Variants in ANKRD13B observed in about 807,000 individuals in gnomAD.
The protein encoded by ANKRD13B is ankyrin repeat domain-containing protein 13B.
Under a neutral mutation model 74.4 loss-of-function variants are expected in ANKRD13B, and 33 were observed. That is an observed-to-expected ratio of 0.44 (90% CI 0.34 to 0.59). The LOEUF (loss-of-function observed/expected upper bound fraction) is 0.59, where lower values mean the gene tolerates loss of function less well. Ranked by LOEUF, ANKRD13B falls within the 20% of genes least tolerant of loss-of-function variation. ANKRD13B has a pLI of 0.02. For missense variants in ANKRD13B, 676 were observed against 877.9 expected (o/e 0.77, Z 2.91); for synonymous variants, 341 against 362.9 (o/e 0.94, Z 0.68).
chr17:29,608,978 T>G lies in ANKRD13B; in HGVS notation c.549T>G (p.Phe183Leu), dbSNP rs1391642759. ...HMTWQRGNRS[F>L]VFRGQDTSAV... Reference sequence around the variant, plus strand: ...CCTGGCAGCGAGGGAACCGCAGCTTTGTCTTCAGGGGCCAAGGTCAGGCAG... The same window carrying G: ...CCTGGCAGCGAGGGAACCGCAGCTTGGTCTTCAGGGGCCAAGGTCAGGCAG... Residue 183 changes from phenylalanine to leucine, a missense_variant, in exon 5 of 15, where the codon TTT (phenylalanine) becomes TTG (leucine). By Grantham distance (22) the Phe-to-Leu change is conservative. Around this residue, in one of 4 missense-constraint regions of ANKRD13B, gnomAD observed 328 missense variants for 518.4 expected, o/e 0.63. Transcript: ENST00000394859. The surrounding 1 kb of genome is among the most constrained non-coding windows in gnomAD (Gnocchi z 6.4). 6.2e-7 allele frequency: 1 copy of G among 1,614,158 alleles called. No individual in the cohort carries two copies. The highest frequency in any genetic ancestry group is 1.7e-5 in the Admixed American group (1 of 60,036).
intron 1 of ANKRD13B, among the ~76,000 whole-genome samples, chr17:29,596,819 G>A (rs545538461): frequency 1.3e-5 from 2 of 152,332 alleles, no homozygotes; most frequent in African/African-American, 2.4e-5. Context: ...GGTAAGCTAG[G>A]AAGCTCGGGA....
intron 1 of ANKRD13B, among the ~76,000 whole-genome samples, chr17:29,603,415 G>GTTGTT (rs887492187): frequency 4.0e-4 from 61 of 152,188 alleles, no homozygotes; most frequent in African/African-American, 8.2e-4. Context: ...TAATGTAAAA[G>GTTGTT]TTGTTTTGTT....
At chr17:29,613,028 C>T (rs781233089) in intron 14 of ANKRD13B, 65 bp downstream of exon 14, 25 of 1,549,466 alleles carry the variant, frequency 1.6e-5, no homozygotes, top group Non-Finnish European at 2.0e-5. Flanking sequence ...AGCCAGGACA[C>T]AGCCGGAGAA....
At chr17:29,607,654 G>T (rs1306586985) in intron 1 of ANKRD13B, 88 bp from the exon 2 acceptor site, 3 of 1,505,868 alleles carry the variant, frequency 2.0e-6, no homozygotes, top group Non-Finnish European at 2.7e-6. Context: ...GGGGGTGGGG[G>T]TTGCTGCCTG....
At position 29,607,672 on chromosome 17, in the gene ANKRD13B, G is replaced by C. The variant is rs535422262; in HGVS notation, c.115-70G>C. ...GGTGGGGGTTGCTGCCTGCTCCAGG[G>C]CTGTCTGGCTCCGGAGGGCTGCCTC... On this transcript the variant is annotated intron_variant, in intron 1 of 14. Coordinates refer to ENST00000394859, the MANE Select transcript of ANKRD13B (RefSeq NM_152345.5). 283 of 1,539,582 alleles carry C rather than the reference G, an allele frequency of 1.8e-4. 2 individuals are homozygous for C. The South Asian group carries it at 2.8e-3, about 15-fold the overall frequency.
rs148247479 is a variant in ANKRD13B, at chr17:29,604,245, G to A, written c.115-3497G>A. 7.9e-3 allele frequency among the ~76,000 whole-genome samples: 1,201 copies of A among 151,524 alleles called. 19 individuals carry two copies. Among genetic ancestry groups the A allele is most frequent in the African/African-American group, 0.028 (1,154 of 41,272 alleles). The stretch of plus-strand genomic sequence containing the variant: ...TTTTTTTGAGACAGAGTCTTGCTCT[G>A]TCACCCAGGCTTGAGTGCAGTGGGG... On this transcript the variant is annotated intron_variant, in intron 1 of 14. Coordinates refer to ENST00000394859, the MANE Select transcript of ANKRD13B (RefSeq NM_152345.5).
intron 1 of ANKRD13B, among the ~76,000 whole-genome samples, chr17:29,594,617 A>G (rs1567783067): frequency 6.6e-6 from 1 of 152,210 alleles, no homozygotes. Flanking sequence ...CCCAGGCCAC[A>G]GGTAGGCACT....
chr17:29,612,092 C>CAAG lies in ANKRD13B; in HGVS notation c.1101-24_1101-23insAAG. 1 of 1,612,720 alleles carries CAAG rather than the reference C, an allele frequency of 6.2e-7. No individual in the cohort carries two copies. Among genetic ancestry groups the CAAG allele is most frequent in the South Asian group, 1.1e-5 (1 of 91,024 alleles). ...CCATGGCTTCCTGCAGTGTCCCTTA[C>CAAG]CCCTTGGGATCTGGTGGGGGCAGGT... is the stretch of plus-strand genomic sequence containing the variant. On this transcript the variant is annotated intron_variant, in intron 10 of 14. Transcript: ENST00000394859. The surrounding 1 kb of genome is among the most constrained non-coding windows in gnomAD (Gnocchi z 6.1).
intron 1 of ANKRD13B, among the ~76,000 whole-genome samples, chr17:29,601,380 C>T (rs1488409306): frequency 1.3e-5 from 2 of 152,046 alleles, no homozygotes; most frequent in Non-Finnish European, 2.9e-5. Flanking sequence ...CCCCACCACG[C>T]CCAGCTAATT....
At chr17:29,593,963 T>G in intron 1 of ANKRD13B, 1 of 250,612 alleles carries the variant, frequency 4.0e-6, no homozygotes, top group Non-Finnish European at 7.6e-6. Context: ...TAGAGGCCTC[T>G]GTGCCCCTCC....
intron 1 of ANKRD13B, among the ~76,000 whole-genome samples, chr17:29,594,377 A>G (rs905043538): frequency 2.6e-5 from 4 of 152,120 alleles, no homozygotes; most frequent in African/African-American, 9.7e-5. Flanking sequence ...GCGCAGAGGA[A>G]GCTGAGGGGC....
Position 29,612,443 on chromosome 17 carries a change from G to A in ANKRD13B, c.1300G>A (p.Gly434Arg), listed in dbSNP as rs1185601751. The A allele has an allele frequency of 6.2e-7, 1 of 1,609,992 alleles. No individual in the cohort carries two copies. The highest frequency in any genetic ancestry group is 2.2e-5 in the East Asian group (1 of 44,708). The change falls in exon 12 of 15, where the codon GGG (glycine) becomes AGG (arginine). Residue 434 changes from glycine to arginine, a missense_variant. Around this residue, in one of 4 missense-constraint regions of ANKRD13B, gnomAD observed 328 missense variants for 518.4 expected, o/e 0.63. Transcript: ENST00000394859. The surrounding 1 kb of genome is among the most constrained non-coding windows in gnomAD (Gnocchi z 6.1). ...FHILNARITF[G>R]NLNGCDEPVP... ...CATCCTCAACGCCCGCATCACCTTC[G>A]GGAACCTCAACGGCTGCGACGAACC...
At position 29,611,466 on chromosome 17, in the gene ANKRD13B, GC is replaced by G; in HGVS notation, c.905-109del. 2 of 1,104,806 alleles carry G rather than the reference GC, an allele frequency of 1.8e-6. No individual in the cohort carries two copies. The highest frequency in any genetic ancestry group is 1.4e-6 in the Non-Finnish European group (1 of 734,220). The allele number at this position is 1,104,806 out of a possible 1,614,324, so 68.4% of individuals were successfully genotyped here. ...CCTGAGTATGTGGTTGGGTGAGCAG[GC>G]CCCACCCCAGGAACCGGCCTCCTCC... On this transcript the variant is annotated intron_variant, in intron 8 of 14. Coordinates refer to ENST00000394859, the MANE Select transcript of ANKRD13B (RefSeq NM_152345.5). The surrounding 1 kb of genome is among the most constrained non-coding windows in gnomAD (Gnocchi z 4.3).
Position 29,607,817 on chromosome 17 carries a change from G to T in ANKRD13B, c.190G>T (p.Ala64Ser). 1 of 1,604,592 alleles carries T rather than the reference G, an allele frequency of 6.2e-7. No homozygotes were observed. ...LATTLGHLEC[A>S]RVLLAHGADV... is the part of the protein sequence containing the mutation. The stretch of plus-strand genomic sequence containing the variant: ...CACCACGCTGGGGCACCTTGAGTGT[G>T]CCCGTGTGCTCCTGGCGCACGGCGC... Residue 64 changes from alanine (A) to serine (S), a missense_variant, in exon 2 of 15, where the codon GCC becomes TCC. Around this residue, in one of 4 missense-constraint regions of ANKRD13B, gnomAD observed 328 missense variants for 518.4 expected, o/e 0.63. Coordinates refer to ENST00000394859, the MANE Select transcript of ANKRD13B (RefSeq NM_152345.5).
At chr17:29,600,007 G>T (rs778495030) in intron 1 of ANKRD13B, among the ~76,000 whole-genome samples, 17 of 150,130 alleles carry the variant, frequency 1.1e-4, no homozygotes, top group Non-Finnish European at 1.5e-4. Flanking sequence ...CTCCCGAGTA[G>T]CTGTGACTAC....
intron 1 of ANKRD13B, among the ~76,000 whole-genome samples, chr17:29,597,026 C>T (rs1176300160): frequency 2.0e-5 from 3 of 152,168 alleles, no homozygotes; most frequent in Non-Finnish European, 4.4e-5. Flanking sequence ...CCTGCCCCTG[C>T]ACCCCACGCT....
chr17:29,613,407 G>C lies in ANKRD13B; in HGVS notation c.1706G>C (p.Ser569Thr), dbSNP rs767471409. Residue 569 changes from serine (S) to threonine (T), a missense_variant, in exon 15 of 15, where the codon AGC (serine) becomes ACC (threonine). Physicochemically the swap from Ser to Thr is moderately conservative, Grantham distance 58. Around this residue, in one of 4 missense-constraint regions of ANKRD13B, gnomAD observed 108 missense variants for 90.3 expected, o/e 1.20. Coordinates refer to ENST00000394859, the MANE Select transcript of ANKRD13B (RefSeq NM_152345.5). ...CCTGCGCCCCCGGCGTCAGTGCCCAGCCCTCGGCCCAGCTCAGGGCCAGGT... is the reference window on the plus strand; with the variant it reads ...CCTGCGCCCCCGGCGTCAGTGCCCACCCCTCGGCCCAGCTCAGGGCCAGGT... ...RQPAPPASVPSPRPSSGPGSG... is the reference protein window; with the variant it reads ...RQPAPPASVPTPRPSSGPGSG... The C allele has an allele frequency of 4.6e-6, 7 of 1,509,146 alleles. No individual in the cohort carries two copies. The African/African-American group carries it at 8.7e-5, about 19-fold the overall frequency. 93.5% of individuals were successfully genotyped at this position (1,509,146 alleles called of 1,614,324 possible).
chr17:29,612,638 C>T lies in ANKRD13B; in HGVS notation c.1412-14C>T, dbSNP rs2034631902. ...CGCGCCCGGCCGTGCCTGACCCAGC[C>T]CCCGCGCCCCCAGCCTCCTGCCGCG... On this transcript the variant is annotated splice_polypyrimidine_tract_variant and intron_variant, in intron 12 of 14. Coordinates refer to ENST00000394859, the MANE Select transcript of ANKRD13B (RefSeq NM_152345.5). This position sits in a 1 kb window ranked among gnomAD's most constrained non-coding sequence, Gnocchi z 6.1. The T allele has an allele frequency of 3.3e-6, 5 of 1,529,322 alleles. No homozygotes were observed. The highest frequency in any genetic ancestry group is 2.0e-5 in the Admixed American group (1 of 49,718). 94.7% of individuals were successfully genotyped at this position (1,529,322 alleles called of 1,614,324 possible).
intron 1 of ANKRD13B, among the ~76,000 whole-genome samples, chr17:29,605,907 A>T (rs1292602821): frequency 6.6e-6 from 1 of 151,284 alleles, no homozygotes; most frequent in African/African-American, 2.4e-5. Context: ...GCATGTGGTC[A>T]GTTCACTGTT....
Sources: gnomAD v4.1 joint callset for allele counts (sites outside exome capture counted in the v4.1 genomes callset) on GRCh38, gnomAD v4.1.1 for gene constraint, gnomAD v4.1.1 regional missense constraint, Gnocchi (gnomAD v3.1) non-coding constraint, MANE v1.5 for transcripts, NCBI Gene and HGNC (gene_info 2026-07-23, HGNC 2026-07-21) for gene names.